The following MGLL variants were observed in gnomAD, a reference collection of about 807,000 sequenced individuals.
MGLL encodes lysophospholipase homolog.
Under a neutral mutation model 29.1 loss-of-function variants are expected in MGLL, and 7 were observed. The ratio of observed to expected loss-of-function variants is 0.24; its 90% CI spans 0.14 to 0.45. The LOEUF is 0.45. Ranked by LOEUF, MGLL falls within the 20% of genes least tolerant of loss-of-function variation. The probability of loss-of-function intolerance (pLI) is 0.99; values close to 1 mark genes in which losing one functional copy is unlikely to be tolerated. For synonymous variants in MGLL, 148 were observed against 168.3 expected (o/e 0.88, Z 0.93); for missense variants, 356 against 413.6 (o/e 0.86, Z 1.21).
At chr3:127,696,335 G>A (rs1180257594) in intron 6 of MGLL, among the ~76,000 whole-genome samples, 1 of 150,908 alleles carries the variant, frequency 6.6e-6, no homozygotes, top group East Asian at 2.0e-4. Context: ...CTACAGGATC[G>A]GGGAGAAGTT....
At chr3:127,770,927 C>T (rs1317136175) in intron 3 of MGLL, among the ~76,000 whole-genome samples, 1 of 151,980 alleles carries the variant, frequency 6.6e-6, no homozygotes, top group Non-Finnish European at 1.5e-5. Context: ...GGGTGAGCGT[C>T]GAGGTCATAA....
intron 2 of MGLL, among the ~76,000 whole-genome samples, chr3:127,801,433 A>G (rs1341381239): frequency 6.6e-6 from 1 of 152,052 alleles, no homozygotes; most frequent in East Asian, 1.9e-4. Context: ...CCTGACCAAC[A>G]TGGTGAAACC....
chr3:127,821,452 C>T (rs1003053245), intron 2 of MGLL, among the ~76,000 whole-genome samples: 11 of 152,244 alleles, frequency 7.2e-5, no homozygotes, highest in African/African-American at 2.6e-4. Flanking sequence ...TTGAAAATTG[C>T]CATACGGTAG....
intron 2 of MGLL, among the ~76,000 whole-genome samples, chr3:127,790,602 G>A (rs181185467): frequency 2.5e-4 from 38 of 152,208 alleles, no homozygotes; most frequent in Non-Finnish European, 3.5e-4. Context: ...TCCTTCCTTC[G>A]TCCGTAAGGA....
At chr3:127,749,572 G>T (rs2076517283) in intron 3 of MGLL, among the ~76,000 whole-genome samples, 1 of 152,268 alleles carries the variant, frequency 6.6e-6, no homozygotes, top group Middle Eastern at 3.4e-3. Context: ...GTGCTGGGGG[G>T]ATGGTTTGGC....
chr3:127,711,916 GT>G (rs1417936248), intron 5 of MGLL: 1 of 152,176 alleles, frequency 6.6e-6, no homozygotes, highest in Non-Finnish European at 1.5e-5. Context: ...TAGAGACGGG[GT>G]TTCACCATGT....
At chr3:127,736,498 A>G in intron 3 of MGLL, 2 of 293,422 alleles carry the variant, frequency 6.8e-6, no homozygotes, top group Non-Finnish European at 1.0e-5. Flanking sequence ...ATCCCTGCCC[A>G]GGCAGGGCTG....
At chr3:127,747,862 G>A (rs2076477997) in intron 3 of MGLL, among the ~76,000 whole-genome samples, 1 of 152,146 alleles carries the variant, frequency 6.6e-6, no homozygotes. Flanking sequence ...AGACTCCTGA[G>A]CCTGCACAAA....
chr3:127,736,881 G>C (rs28595573), intron 3 of MGLL, among the ~76,000 whole-genome samples: 329 of 152,234 alleles, frequency 2.2e-3, no homozygotes, highest in African/African-American at 7.4e-3. Flanking sequence ...TTTTTGTAGA[G>C]ACAGGGTTTC....
At chr3:127,749,049 A>G (rs1225062198) in intron 3 of MGLL, among the ~76,000 whole-genome samples, 1 of 152,036 alleles carries the variant, frequency 6.6e-6, no homozygotes, top group African/African-American at 2.4e-5. Context: ...CTCTGTGTCT[A>G]CAACCCTGAT....
chr3:127,781,615 A>G (rs951204521), intron 3 of MGLL, among the ~76,000 whole-genome samples, 174 bp downstream of exon 3: 1 of 152,230 alleles, frequency 6.6e-6, no homozygotes, highest in Non-Finnish European at 1.5e-5. Context: ...CAGACTACAG[A>G]ATCTGCTCGT....
chr3:127,751,015 T>C lies in MGLL; in HGVS notation c.263-28449A>G, dbSNP rs192197382. Among the ~76,000 whole-genome samples the C allele has an allele frequency of 5.3e-5, 8 of 152,314 alleles. 1 individual carries two copies. In the South Asian group the frequency reaches 1.7e-3, roughly 32 times the overall value. ...AGGGACCAGAGGTGAGGATCACTGA[T>C]CTGGCATTGCCCTGCCATAGCAGTG... On this transcript the variant is annotated intron_variant, in intron 3 of 7. Transcript: ENST00000265052.
At chr3:127,749,454 A>G (rs1177635832) in intron 3 of MGLL, among the ~76,000 whole-genome samples, 1 of 152,232 alleles carries the variant, frequency 6.6e-6, no homozygotes, top group Non-Finnish European at 1.5e-5. Context: ...GATACCATTC[A>G]TTATAAAAGG....
intron 5 of MGLL, 132 bp from the exon 6 acceptor site, chr3:127,710,797 C>T: frequency 2.4e-6 from 2 of 829,788 alleles, no homozygotes; most frequent in African/African-American, 1.7e-5. Context: ...GTCTCCCAAG[C>T]CTGCGTCCTT....
intron 2 of MGLL, among the ~76,000 whole-genome samples, chr3:127,792,496 A>G (rs2077317098): frequency 6.6e-6 from 1 of 152,082 alleles, no homozygotes; most frequent in Non-Finnish European, 1.5e-5. Flanking sequence ...GAGGTCAAGA[A>G]ATCGAGACCA....
At chr3:127,785,122 T>C (rs1383548928) in intron 2 of MGLL, among the ~76,000 whole-genome samples, 1 of 152,144 alleles carries the variant, frequency 6.6e-6, no homozygotes, top group Non-Finnish European at 1.5e-5. Context: ...CTGTGCTTAC[T>C]GGCACCAGGG....
intron 6 of MGLL, among the ~76,000 whole-genome samples, chr3:127,709,456 C>T (rs1385045701): frequency 6.6e-6 from 1 of 152,158 alleles, no homozygotes; most frequent in Non-Finnish European, 1.5e-5. Context: ...TAGAAAGTCT[C>T]TTTCCTACAC....
intron 3 of MGLL, among the ~76,000 whole-genome samples, chr3:127,739,296 C>T (rs1157364938): frequency 6.6e-6 from 1 of 152,134 alleles, no homozygotes; most frequent in Non-Finnish European, 1.5e-5. Flanking sequence ...TGAAAGTCCC[C>T]ACCTCTCTGG....
intron 2 of MGLL, among the ~76,000 whole-genome samples, chr3:127,804,331 C>T (rs376679543): frequency 4.3e-4 from 65 of 152,328 alleles, no homozygotes; most frequent in African/African-American, 1.5e-3. Context: ...GGACCAGACC[C>T]GGCTCAAATG....
Sources: gnomAD v4.1 joint callset for allele counts (sites outside exome capture counted in the v4.1 genomes callset) on GRCh38, gnomAD v4.1.1 for gene constraint, MANE v1.5 for transcripts, NCBI Gene and HGNC (gene_info 2026-07-23, HGNC 2026-07-21) for gene names.